TEX11: variants seen among roughly 807,000 people sequenced by gnomAD.
TEX11 encodes testis-expressed protein 11.
A neutral mutation model predicts 84.4 loss-of-function variants in TEX11; 7 were observed. The observed-to-expected ratio is 0.08, with a 90% CI of 0.05 to 0.16. The LOEUF (loss-of-function observed/expected upper bound fraction) is 0.16, where lower values mean the gene tolerates loss of function less well. Among genes scored for constraint, TEX11 ranks in the 10% least tolerant of loss-of-function variants. TEX11 has a pLI of 1.00. For synonymous variants in TEX11, 264 were observed against 222.8 expected (o/e 1.18, Z -1.64); for missense variants, 551 against 660.5 (o/e 0.83, Z 1.82).
At chrX:70,710,631 C>T (rs1489218247) in intron 13 of TEX11, among the ~76,000 whole-genome samples, 1 of 108,172 alleles carries the variant, frequency 9.2e-6, no homozygotes, top group East Asian at 2.9e-4. Flanking sequence ...ACATCACCTG[C>T]GAGCTTCTAA....
intron 17 of TEX11, among the ~76,000 whole-genome samples, chrX:70,645,684 A>G (rs1435966379): frequency 8.9e-6 from 1 of 111,840 alleles, no homozygotes; most frequent in Non-Finnish European, 1.9e-5. Flanking sequence ...TCCATTTACA[A>G]TAGCTACAAA....
intron 7 of TEX11, among the ~76,000 whole-genome samples, chrX:70,837,118 C>A (rs1353165162): frequency 8.9e-6 from 1 of 111,795 alleles, no homozygotes; most frequent in African/African-American, 3.3e-5. Context: ...ACTAAATATA[C>A]CCTTTATGTC....
At chrX:70,627,059 T>C (rs906744125) in intron 18 of TEX11, among the ~76,000 whole-genome samples, 5 of 112,292 alleles carry the variant, frequency 4.5e-5, no homozygotes, top group African/African-American at 1.6e-4. Context: ...ATAGGTCAAA[T>C]ACAATGAGGA....
At chrX:70,743,930 A>T (rs1346155739) in intron 10 of TEX11, among the ~76,000 whole-genome samples, 1 of 108,533 alleles carries the variant, frequency 9.2e-6, no homozygotes, top group Non-Finnish European at 1.9e-5. Flanking sequence ...GAAAGTTAAA[A>T]TTTACATACC....
In TEX11 at chrX:70,606,956, T is replaced by A. The variant is rs1569353707; in HGVS notation, c.1950+3A>T. ...CATGAGATACTTATTAAAAGAAACTTACCTTATAAGAAAGTATAAAAAACT... is the reference window on the plus strand; with the variant it reads ...CATGAGATACTTATTAAAAGAAACTAACCTTATAAGAAAGTATAAAAAACT... On this transcript the variant is annotated splice_donor_region_variant and intron_variant, in intron 23 of 29. Coordinates refer to ENST00000374333, the MANE Select transcript of TEX11 (RefSeq NM_031276.3). The A allele has an allele frequency of 6.8e-6, 8 of 1,175,553 alleles. No individual in the cohort carries two copies. The highest frequency in any genetic ancestry group is 9.2e-6 in the Non-Finnish European group (8 of 870,297).
Position 70,779,420 on chromosome X carries a change from A to AG in TEX11, c.692+27284_692+27285insC, listed in dbSNP as rs1226944080. On this transcript the variant is annotated intron_variant, in intron 9 of 29. Coordinates refer to ENST00000374333, the MANE Select transcript of TEX11 (RefSeq NM_031276.3). ...ACAGAGTGAGACCCCGTCTCAAAAAAAAAAAAAAAAAAGAAAGTTTACAGC... is the reference window on the plus strand; with the variant it reads ...ACAGAGTGAGACCCCGTCTCAAAAAAGAAAAAAAAAAAAGAAAGTTTACAGC... 3.7e-5 allele frequency among the ~76,000 whole-genome samples: 4 copies of AG among 108,536 alleles called. No homozygotes were observed. The East Asian group carries it at 1.1e-3, about 31-fold the overall frequency. 94.3% of individuals were successfully genotyped at this position (108,536 alleles called of 115,157 possible).
In TEX11 at chrX:70,838,989, C is replaced by T. The variant is rs755718215; in HGVS notation, c.526-5396G>A. 5.8e-4 allele frequency among the ~76,000 whole-genome samples: 65 copies of T among 112,554 alleles called. 1 individual carries two copies. In the South Asian group the frequency reaches 0.017, roughly 29 times the overall value. On this transcript the variant is annotated intron_variant, in intron 7 of 29. Coordinates refer to ENST00000374333, the MANE Select transcript of TEX11 (RefSeq NM_031276.3). Reference sequence around the variant, plus strand: ...TGTTTGATTAGGTAAACAAAGCAGCCGGGAAGCTCGAACTGGGTGGAGCCC... The same window carrying T: ...TGTTTGATTAGGTAAACAAAGCAGCTGGGAAGCTCGAACTGGGTGGAGCCC...
At chrX:70,904,828 G>T (rs1356148032) in intron 2 of TEX11, among the ~76,000 whole-genome samples, 1 of 112,385 alleles carries the variant, frequency 8.9e-6, no homozygotes, top group Non-Finnish European at 1.9e-5. Flanking sequence ...TTAATAATTT[G>T]TATATTGATT....
chrX:70,809,971 G>T (rs2091242611), intron 8 of TEX11, among the ~76,000 whole-genome samples: 1 of 111,868 alleles, frequency 8.9e-6, no homozygotes, highest in Non-Finnish European at 1.9e-5. Context: ...CAACAAGTAG[G>T]CATTAAAAAG....
intron 7 of TEX11, among the ~76,000 whole-genome samples, chrX:70,846,915 C>T (rs886572734): frequency 9.1e-6 from 1 of 109,479 alleles, no homozygotes; most frequent in Non-Finnish European, 1.9e-5. Context: ...CAGAGCAAGA[C>T]TCTGTCTCAA....
Position 70,806,747 on chromosome X carries a change from GT to G in TEX11, c.649del (p.Thr217ProfsTer40). The G allele has an allele frequency of 8.4e-7, 1 of 1,190,731 alleles. No individual in the cohort carries two copies. Among genetic ancestry groups the G allele is most frequent in the Non-Finnish European group, 1.1e-6 (1 of 882,467 alleles). Reference sequence around the variant, plus strand: ...TTCTTCATATTTATTATTCTTCTGGGTTTCTACTCCAAAGTTGTAACAGAGA... The same window carrying G: ...TTCTTCATATTTATTATTCTTCTGGGTTCTACTCCAAAGTTGTAACAGAGA... ...HHLCYNFGVE[T>X]QKNNKYEESS... is the part of the protein sequence containing the mutation. On this transcript the variant is annotated frameshift_variant, in exon 9 of 30. Coordinates refer to ENST00000374333, the MANE Select transcript of TEX11 (RefSeq NM_031276.3). LOFTEE classifies it high-confidence loss of function.
chrX:70,733,332 C>G (rs1349348494), intron 11 of TEX11, among the ~76,000 whole-genome samples: 4 of 111,399 alleles, frequency 3.6e-5, no homozygotes, highest in African/African-American at 1.3e-4. Context: ...AGCTTCTGCA[C>G]AGCAAAAGAA....
intron 16 of TEX11, among the ~76,000 whole-genome samples, chrX:70,667,717 G>T (rs1332206162): frequency 9.0e-6 from 1 of 111,505 alleles, no homozygotes; most frequent in Non-Finnish European, 1.9e-5. Flanking sequence ...CATGAGGTCA[G>T]GAGTTCGAGA....
At chrX:70,852,768 T>G (rs1210331552) in intron 7 of TEX11, among the ~76,000 whole-genome samples, 1 of 111,666 alleles carries the variant, frequency 9.0e-6, no homozygotes, top group Non-Finnish European at 1.9e-5. Flanking sequence ...TAGGGATTGC[T>G]GCCATAAATA....
the TEX11 span, among the ~76,000 whole-genome samples, chrX:70,515,295 G>A: frequency 1.4e-4 from 7 of 50,102 alleles, no homozygotes; most frequent in South Asian, 1.6e-3. Context: ...AACAGGCCCC[G>A]GTGTGTGATG....
chrX:70,536,100 C>T (rs2087954279), intron 28 of TEX11, among the ~76,000 whole-genome samples: 1 of 110,535 alleles, frequency 9.0e-6, no homozygotes, highest in South Asian at 3.8e-4. Flanking sequence ...TTTATTTCTT[C>T]CTTTTGGACT....
At chrX:70,822,509 C>T (rs1394221498) in intron 8 of TEX11, among the ~76,000 whole-genome samples, 1 of 110,966 alleles carries the variant, frequency 9.0e-6, no homozygotes, top group African/African-American at 3.3e-5. Flanking sequence ...TATACACACA[C>T]ACACAGGATA....
chrX:70,736,219 C>A (rs1270034519), intron 11 of TEX11, among the ~76,000 whole-genome samples: 1 of 111,303 alleles, frequency 9.0e-6, no homozygotes, highest in Non-Finnish European at 1.9e-5. Context: ...TGCACTAATA[C>A]ATTTTCAAAG....
At chrX:70,649,720 G>A (rs1284988875) in intron 17 of TEX11, among the ~76,000 whole-genome samples, 2 of 111,460 alleles carry the variant, frequency 1.8e-5, no homozygotes, top group African/African-American at 6.5e-5. Flanking sequence ...ATTGCAGTGA[G>A]CTGAGATCAT....
Sources: allele counts gnomAD v4.1 joint callset (sites outside exome capture counted in the v4.1 genomes callset), GRCh38; gene constraint gnomAD v4.1.1; transcripts MANE v1.5; gene names NCBI Gene and HGNC (gene_info 2026-07-23, HGNC 2026-07-21).